MEMO1: variants seen among roughly 807,000 people sequenced by gnomAD.
MEMO1 encodes the protein protein MEMO1.
In MEMO1, 6 loss-of-function variants were observed where a neutral mutation model predicts 45.2. That is an observed-to-expected ratio of 0.13 (90% CI 0.07 to 0.26). The LOEUF (loss-of-function observed/expected upper bound fraction) is 0.26. Among genes scored for constraint, MEMO1 ranks in the 10% least tolerant of loss-of-function variants. MEMO1 has a pLI of 1.00. For missense variants in MEMO1, 184 were observed against 370.5 expected (o/e 0.50, Z 4.13); for synonymous variants, 78 against 124.3 (o/e 0.63, Z 2.48).
chr2:31,941,135 T>G (rs573080673), intron 3 of MEMO1, among the ~76,000 whole-genome samples: 19 of 152,310 alleles, frequency 1.2e-4, no homozygotes, highest in African/African-American at 4.3e-4. Context: ...AAAGTCCTTA[T>G]GACTACAAAG....
chr2:31,923,446 C>A (rs959409357), intron 4 of MEMO1: 1 of 476,424 alleles, frequency 2.1e-6, no homozygotes. Flanking sequence ...ATTCGAGAAC[C>A]ATTTCAAAAA....
chr2:31,871,480 T>G (rs1022000384), intron 8 of MEMO1, among the ~76,000 whole-genome samples: 10 of 144,908 alleles, frequency 6.9e-5, no homozygotes, highest in African/African-American at 2.6e-4. Context: ...TTCACAAACA[T>G]TATCAATATT....
intron 2 of MEMO1, among the ~76,000 whole-genome samples, chr2:31,997,207 T>C (rs184380831): frequency 6.6e-6 from 1 of 152,234 alleles, no homozygotes; most frequent in East Asian, 1.9e-4. Context: ...CCAAGAATCA[T>C]AGTAAGCCCC....
At chr2:31,899,122 T>C (rs1346674592) in intron 6 of MEMO1, among the ~76,000 whole-genome samples, 26 of 152,216 alleles carry the variant, frequency 1.7e-4, no homozygotes, top group African/African-American at 4.8e-5. Flanking sequence ...AAGTAAGTTA[T>C]AGATTCAATG....
chr2:31,887,729 T>A (rs1044117737), intron 7 of MEMO1, among the ~76,000 whole-genome samples: 3 of 152,132 alleles, frequency 2.0e-5, no homozygotes, highest in African/African-American at 7.2e-5. Context: ...AAACTAAATA[T>A]GTAAAATCTG....
intron 6 of MEMO1, among the ~76,000 whole-genome samples, chr2:31,910,462 T>C (rs1217503139): frequency 1.3e-5 from 2 of 152,320 alleles, no homozygotes; most frequent in Admixed American, 6.5e-5. Context: ...TTATAGCTTA[T>C]GGATAAGTGA....
intron 3 of MEMO1, among the ~76,000 whole-genome samples, chr2:31,938,676 A>C (rs1665228887): frequency 6.6e-6 from 1 of 152,086 alleles, no homozygotes; most frequent in Non-Finnish European, 1.5e-5. Flanking sequence ...ATAAAAACTA[A>C]GAAAAGCAAG....
chr2:31,923,880 G>T, intron 4 of MEMO1: 1 of 1,047,398 alleles, frequency 9.5e-7, no homozygotes. Context: ...GAGGTCTGCT[G>T]GAAGCCTAAT....
At chr2:31,897,842 G>A (rs1038127662) in intron 6 of MEMO1, among the ~76,000 whole-genome samples, 1 of 151,978 alleles carries the variant, frequency 6.6e-6, no homozygotes, top group East Asian at 1.9e-4. Flanking sequence ...GAATGCATCT[G>A]GTCCTGGGCT....
intron 2 of MEMO1, among the ~76,000 whole-genome samples, chr2:31,968,650 T>C (rs143486693): frequency 8.1e-4 from 123 of 152,346 alleles, no homozygotes; most frequent in African/African-American, 2.9e-3. Context: ...ACAACAAAAC[T>C]ACTCTTCAGT....
At chr2:31,942,608 C>T (rs760914885) in intron 3 of MEMO1, among the ~76,000 whole-genome samples, 1 of 151,868 alleles carries the variant, frequency 6.6e-6, no homozygotes, top group Non-Finnish European at 1.5e-5. Context: ...CAAGCTTAAG[C>T]GACCCCCGAC....
At chr2:31,957,427 A>C (rs1572807299) in intron 2 of MEMO1, among the ~76,000 whole-genome samples, 1 of 152,330 alleles carries the variant, frequency 6.6e-6, no homozygotes, top group East Asian at 1.9e-4. Context: ...ACCTAAGATA[A>C]TAGCTACATT....
chr2:31,998,799 CAAAA>C (rs1186000366), intron 2 of MEMO1, among the ~76,000 whole-genome samples: 1 of 105,744 alleles, frequency 9.5e-6, no homozygotes, highest in Admixed American at 1.0e-4. Flanking sequence ...GACTCCGTCT[CAAAA>C]AAAAAAAAAA....
chr2:31,967,813 G>A (rs1668814991), intron 2 of MEMO1, among the ~76,000 whole-genome samples: 1 of 151,986 alleles, frequency 6.6e-6, no homozygotes, highest in South Asian at 2.1e-4. Context: ...TTTAGTGGGA[G>A]GTTTTTTCCC....
At chr2:31,926,841 T>C (rs1683187130) in intron 4 of MEMO1, among the ~76,000 whole-genome samples, 1 of 150,330 alleles carries the variant, frequency 6.7e-6, no homozygotes, top group African/African-American at 2.5e-5. Context: ...CACGAAACTC[T>C]GCCTCAAAAA....
At position 31,920,780 on chromosome 2, in the gene MEMO1, A is replaced by G. The variant is rs750353152; in HGVS notation, c.325+18T>C. On this transcript the variant is annotated intron_variant, in intron 5 of 9. Coordinates refer to ENST00000404530, the MANE Select transcript of MEMO1 (RefSeq NM_001301833.4). ...GAACATTAGCTATTTGAAAGCTATA[A>G]TATTTCTATATACTTACTCTTTTGG... 7.1e-7 allele frequency: 1 copy of G among 1,408,580 alleles called. No individual in the cohort carries two copies. The highest frequency in any genetic ancestry group is 9.6e-7 in the Non-Finnish European group (1 of 1,041,936). 87.3% of individuals were successfully genotyped at this position (1,408,580 alleles called of 1,614,324 possible).
intron 2 of MEMO1, among the ~76,000 whole-genome samples, chr2:32,002,316 C>T (rs1256558168): frequency 6.8e-6 from 1 of 146,264 alleles, no homozygotes; most frequent in African/African-American, 2.6e-5. Flanking sequence ...TATATACATA[C>T]ACATATATAC....
At chr2:31,954,742 G>A (rs1474998386) in intron 2 of MEMO1, among the ~76,000 whole-genome samples, 2 of 151,930 alleles carry the variant, frequency 1.3e-5, no homozygotes, top group African/African-American at 2.4e-5. Flanking sequence ...GCTGAGAGAG[G>A]AGAATTGCTT....
intron 2 of MEMO1, among the ~76,000 whole-genome samples, chr2:31,951,529 T>A (rs1307698845): frequency 6.6e-6 from 1 of 151,878 alleles, no homozygotes; most frequent in African/African-American, 2.4e-5. Context: ...TTTTTTTTTT[T>A]TTTATCTTTT....
Sources: allele counts gnomAD v4.1 joint callset (sites outside exome capture counted in the v4.1 genomes callset), GRCh38; gene constraint gnomAD v4.1.1; transcripts MANE v1.5; gene names NCBI Gene and HGNC (gene_info 2026-07-23, HGNC 2026-07-21).